The following CUBN variants were observed in gnomAD, a reference collection of about 807,000 sequenced individuals.
The protein encoded by CUBN is 460 kDa receptor.
Under a neutral mutation model 405.3 loss-of-function variants are expected in CUBN, and 282 were observed. The ratio of observed to expected loss-of-function variants is 0.70; its 90% confidence interval spans 0.63 to 0.77. The LOEUF (loss-of-function observed/expected upper bound fraction) is 0.77. Ranked by LOEUF, CUBN falls within the 30% of genes least tolerant of loss-of-function variation. CUBN has a pLI of 0.00. For synonymous variants in CUBN, 1,684 were observed against 1,617.0 expected (o/e 1.04, Z -0.99); for missense variants, 4,514 against 4,475.2 (o/e 1.01, Z -0.25).
chr10:16,866,366 G>A (rs1375863623), intron 59 of CUBN, among the ~76,000 whole-genome samples: 2 of 152,112 alleles, frequency 1.3e-5, no homozygotes, highest in Non-Finnish European at 2.9e-5. Context: ...TTAAAAATAC[G>A]TTTGCAAGTG....
intron 43 of CUBN, among the ~76,000 whole-genome samples, chr10:16,921,259 T>C (rs1159072515): frequency 6.6e-6 from 1 of 152,230 alleles, no homozygotes; most frequent in Non-Finnish European, 1.5e-5. Flanking sequence ...AGAAATCAGA[T>C]GAGAATCTCT....
intron 28 of CUBN, among the ~76,000 whole-genome samples, chr10:17,000,486 C>G (rs1833847896): frequency 6.6e-6 from 1 of 152,222 alleles, no homozygotes; most frequent in Non-Finnish European, 1.5e-5. Context: ...TGAATTGTGT[C>G]ACTTAGTGGG....
At chr10:17,067,596 T>C (rs1472958185) in intron 21 of CUBN, among the ~76,000 whole-genome samples, 1 of 152,092 alleles carries the variant, frequency 6.6e-6, no homozygotes, top group Non-Finnish European at 1.5e-5. Flanking sequence ...TAAGAACCAG[T>C]GGCCAAGAAT....
intron 31 of CUBN, among the ~76,000 whole-genome samples, chr10:16,981,261 TG>T (rs1833264628): frequency 6.6e-6 from 1 of 151,940 alleles, no homozygotes; most frequent in Non-Finnish European, 1.5e-5. Flanking sequence ...TCGGAGACTA[TG>T]GTCAGAGAGG....
chr10:16,859,916 G>A (rs1839968226), intron 59 of CUBN, among the ~76,000 whole-genome samples: 1 of 152,150 alleles, frequency 6.6e-6, no homozygotes, highest in Non-Finnish European at 1.5e-5. Flanking sequence ...AAGTGGGTAA[G>A]TGGGTTTAAA....
chr10:17,123,444 A>G, intron 5 of CUBN, 144 bp downstream of exon 5: 1 of 733,232 alleles, frequency 1.4e-6, no homozygotes, highest in South Asian at 1.5e-5. Flanking sequence ...TTTGGGTTTT[A>G]GCATACCTGG....
intron 6 of CUBN, among the ~76,000 whole-genome samples, chr10:17,117,650 G>A (rs767532331): frequency 1.3e-5 from 2 of 152,126 alleles, no homozygotes; most frequent in Admixed American, 1.3e-4. Context: ...GGCTGGTCTC[G>A]AACTCTTGAC....
rs1450523837 is a variant in CUBN, at chr10:16,828,866, T to C, written c.10703A>G (p.Tyr3568Cys). Reference protein sequence around the residue: ...IDDPGDCVQNYLTLYDGPNAS... With the variant: ...IDDPGDCVQNCLTLYDGPNAS... ...GTTGGGCCCATCATAGAGTGTGAGA[T>C]AGTTCTGGACACAGTCTCCTGGATC... is the stretch of plus-strand genomic sequence containing the variant. The change falls in exon 66 of 67, where the codon TAT (tyrosine) becomes TGT (cysteine). Residue 3568 changes from tyrosine to cysteine, a missense_variant. Physicochemically the swap from Tyr to Cys is radical, Grantham distance 194. Around this residue, in one of 5 missense-constraint regions of CUBN, gnomAD observed 1,186 missense variants for 1,186.9 expected, o/e 1.00. Transcript: ENST00000377833. 6.2e-7 allele frequency: 1 copy of C among 1,614,182 alleles called. No individual in the cohort carries two copies. The highest frequency in any genetic ancestry group is 1.1e-5 in the South Asian group (1 of 91,086).
chr10:16,993,560 T>A (rs1042696582), intron 28 of CUBN, among the ~76,000 whole-genome samples: 9 of 152,174 alleles, frequency 5.9e-5, no homozygotes, highest in Non-Finnish European at 1.0e-4. Flanking sequence ...TTAAAGCAAA[T>A]AATCCACAAG....
intron 31 of CUBN, among the ~76,000 whole-genome samples, chr10:16,963,025 G>A (rs1479271964): frequency 6.6e-6 from 1 of 152,008 alleles, no homozygotes; most frequent in East Asian, 1.9e-4. Flanking sequence ...ATCTAAAAAT[G>A]AGGGTAGGTA....
intron 32 of CUBN, 89 bp from the exon 33 acceptor site, chr10:16,952,478 A>G (rs964701465): frequency 2.7e-5 from 24 of 878,630 alleles, no homozygotes; most frequent in Non-Finnish European, 4.2e-5. Flanking sequence ...AAAACCATCA[A>G]TGATTTTTCT....
At chr10:17,095,915 A>G (rs979896857) in intron 14 of CUBN, among the ~76,000 whole-genome samples, 1 of 152,128 alleles carries the variant, frequency 6.6e-6, no homozygotes, top group South Asian at 2.1e-4. Flanking sequence ...TAAATACACA[A>G]AAACACACAC....
intron 60 of CUBN, among the ~76,000 whole-genome samples, chr10:16,842,201 T>C (rs894395270): frequency 3.3e-5 from 5 of 152,022 alleles, no homozygotes; most frequent in Admixed American, 6.6e-5. Context: ...CATGCCACCA[T>C]GCCTAGCTAA....
intron 60 of CUBN, among the ~76,000 whole-genome samples, chr10:16,850,492 G>A (rs1839653554): frequency 6.6e-6 from 1 of 151,922 alleles, no homozygotes; most frequent in Non-Finnish European, 1.5e-5. Context: ...TTATTTTTGA[G>A]ACGGAGTCTT....
chr10:17,044,018 G>A (rs772186319), intron 25 of CUBN, 35 bp from the exon 26 acceptor site: 4 of 1,573,956 alleles, frequency 2.5e-6, no homozygotes, highest in East Asian at 4.5e-5. Context: ...AGATGGTTGA[G>A]ACTATAAACA....
chr10:16,964,331 AATT>A (rs1440774200), intron 31 of CUBN, among the ~76,000 whole-genome samples: 1 of 152,222 alleles, frequency 6.6e-6, no homozygotes, highest in African/African-American at 2.4e-5. Flanking sequence ...TGGCTAACTG[AATT>A]ACAGCACGTC....
chr10:16,921,463 C>T (rs1212069275), intron 43 of CUBN, among the ~76,000 whole-genome samples: 2 of 152,072 alleles, frequency 1.3e-5, no homozygotes, highest in Admixed American at 6.6e-5. Context: ...TCTCTTTTTG[C>T]CCTTCCTTCT....
In CUBN at chr10:16,948,599, G is replaced by A; in HGVS notation, c.5088C>T (p.Tyr1696=). 1 of 1,613,826 alleles carries A rather than the reference G, an allele frequency of 6.2e-7. No homozygotes were observed. The highest frequency in any genetic ancestry group is 8.5e-7 in the Non-Finnish European group (1 of 1,179,856). ...GHEDAPLRGR[Y]CGTDMPHPIT... The stretch of plus-strand genomic sequence containing the variant: ...TAGGATGGGGCATGTCGGTGCCACA[G>A]TAACGGCCTAAATAATGAAGATAAT... The change falls in exon 35 of 67, where the codon TAC becomes TAT. Residue 1696 remains tyrosine (Y), a synonymous_variant. Transcript: ENST00000377833.
At chr10:16,954,277 T>C (rs1842991972) in intron 32 of CUBN, 112 bp downstream of exon 32, 7 of 1,207,710 alleles carry the variant, frequency 5.8e-6, no homozygotes, top group East Asian at 2.3e-5. Flanking sequence ...ATTTTTTACA[T>C]GTTAAGTAGA....
Sources: allele counts gnomAD v4.1 joint callset (sites outside exome capture counted in the v4.1 genomes callset), GRCh38; gene constraint gnomAD v4.1.1; regional missense constraint gnomAD v4.1.1; transcripts MANE v1.5; gene names NCBI Gene and HGNC (gene_info 2026-07-23, HGNC 2026-07-21).